AKAP7: variants seen among roughly 807,000 people sequenced by gnomAD.
The protein encoded by AKAP7 is A kinase (PRKA) anchor protein 7.
A neutral mutation model predicts 39.5 loss-of-function variants in AKAP7; 39 were observed. The observed-to-expected ratio is 0.99, with a 90% CI of 0.76 to 1.29. The LOEUF is 1.29. Ranked by LOEUF, AKAP7 falls within the 50% of genes most tolerant of loss-of-function variation. The pLI is 0.00. For missense variants in AKAP7, 414 were observed against 407.7 expected (o/e 1.02, Z -0.13); for synonymous variants, 140 against 139.1 (o/e 1.01, Z -0.05).
chr6:131,201,903 A>G (rs1306680098), intron 6 of AKAP7, among the ~76,000 whole-genome samples: 1 of 152,180 alleles, frequency 6.6e-6, no homozygotes, highest in African/African-American at 2.4e-5. Flanking sequence ...AGATAGTTGT[A>G]GATATGCAGC....
intron 2 of AKAP7, among the ~76,000 whole-genome samples, chr6:131,148,929 A>T (rs1279293356): frequency 6.6e-6 from 1 of 151,928 alleles, no homozygotes; most frequent in Non-Finnish European, 1.5e-5. Context: ...GTTGCCTATG[A>T]TTCCTTCAGT....
chr6:131,162,813 C>G (rs759271755), intron 3 of AKAP7, among the ~76,000 whole-genome samples: 1 of 152,170 alleles, frequency 6.6e-6, no homozygotes, highest in African/African-American at 2.4e-5. Context: ...CCCATGACCA[C>G]CTCGTCTAGG....
At chr6:131,228,817 G>A (rs1013386927) in intron 7 of AKAP7, among the ~76,000 whole-genome samples, 1 of 152,130 alleles carries the variant, frequency 6.6e-6, no homozygotes, top group African/African-American at 2.4e-5. Flanking sequence ...ACATGCAAAA[G>A]CAATGGTGAA....
chr6:131,160,339 G>A (rs1802830556), intron 3 of AKAP7, 141 bp downstream of exon 3: 1 of 829,948 alleles, frequency 1.2e-6, no homozygotes, highest in Admixed American at 2.9e-5. Context: ...GAATATTTCT[G>A]TTTAAGTAAT....
In AKAP7 at chr6:131,184,717, T is replaced by C. The variant is rs543004057; in HGVS notation, c.590-14744T>C. ...GGGCAAGGCAAATCCATCAGGACCCTTTTTGGATTTCTGTTCCTCAGACCT... is the reference window on the plus strand; with the variant it reads ...GGGCAAGGCAAATCCATCAGGACCCCTTTTGGATTTCTGTTCCTCAGACCT... On this transcript the variant is annotated intron_variant, in intron 5 of 7. Transcript: ENST00000431975. 7.1e-6 allele frequency: 6 copies of C among 850,412 alleles called. No homozygotes were observed. The African/African-American group carries it at 8.3e-5, about 12-fold the overall frequency. The allele number at this position is 850,412 out of a possible 1,614,324, so 52.7% of individuals were successfully genotyped here. A position where few individuals can be genotyped will look rare whatever the true frequency, so the allele number is the denominator to read the frequency against.
At position 131,160,170 on chromosome 6, in the gene AKAP7, T is replaced by G. The variant is rs765743339; in HGVS notation, c.263T>G (p.Phe88Cys). ...KKRKDYQPNY[F>C]LSIPITNKEI... Reference sequence around the variant, plus strand: ...AGAAAAGATTATCAACCCAACTATTTCCTGTCCATTCCAATCACCAACAAA... The same window carrying G: ...AGAAAAGATTATCAACCCAACTATTGCCTGTCCATTCCAATCACCAACAAA... The change falls in exon 3 of 8, where the codon TTC becomes TGC. Residue 88 changes from phenylalanine (F) to cysteine (C), a missense_variant. Physicochemically the swap from Phe to Cys is radical, Grantham distance 205. Transcript: ENST00000431975. 6.2e-7 allele frequency: 1 copy of G among 1,611,074 alleles called. No homozygotes were observed. Among genetic ancestry groups the G allele is most frequent in the Non-Finnish European group, 8.5e-7 (1 of 1,179,360 alleles).
chr6:131,211,601 T>TA (rs556028216), intron 6 of AKAP7, among the ~76,000 whole-genome samples: 4,419 of 140,036 alleles, frequency 0.032, 146 homozygotes, highest in African/African-American at 0.083. Context: ...CCATCTCTAC[T>TA]AAAAAAAAAA....
intron 7 of AKAP7, among the ~76,000 whole-genome samples, chr6:131,234,172 G>T (rs1035125783): frequency 8.5e-5 from 13 of 152,096 alleles, no homozygotes; most frequent in Non-Finnish European, 1.6e-4. Flanking sequence ...AACTTCTTCA[G>T]TTCAATTTTG....
At chr6:131,217,204 T>C (rs947529195) in intron 6 of AKAP7, among the ~76,000 whole-genome samples, 1 of 152,170 alleles carries the variant, frequency 6.6e-6, no homozygotes. Flanking sequence ...TGAAACTATT[T>C]TGCCATCCCA....
Position 131,219,786 on chromosome 6 carries a change from CTG to C in AKAP7, c.831_832del (p.Cys277Ter). 1.9e-6 allele frequency: 3 copies of C among 1,575,034 alleles called. No individual in the cohort carries two copies. Among genetic ancestry groups the C allele is most frequent in the Non-Finnish European group, 2.6e-6 (3 of 1,163,412 alleles). On this transcript the variant is annotated frameshift_variant, in exon 7 of 8. Coordinates refer to ENST00000431975, the MANE Select transcript of AKAP7 (RefSeq NM_016377.4). LOFTEE classifies it high-confidence loss of function. ...AAAAACAAAGTAATGGTTATTATCA[CTG>C]TGAATCTTCCATTGTGATTGGTGAG... ...KKKQSNGYYHCESSIVIGEKN... is the reference protein window; with the variant it reads ...KKKQSNGYYHXESSIVIGEKN...
rs535468243 is a variant in AKAP7 at position 131,157,523 on chromosome 6, A to G, written c.152-2536A>G. 1.8e-3 allele frequency among the ~76,000 whole-genome samples: 270 copies of G among 152,316 alleles called. 1 individual carries two copies. The highest frequency in any genetic ancestry group is 6.0e-3 in the African/African-American group (250 of 41,582). ...TGTTACTTCTGTTTAAAATTAGTAT[A>G]TTCATATTACTGCAGTTAGATGTAG... On this transcript the variant is annotated intron_variant, in intron 2 of 7. Coordinates refer to ENST00000431975, the MANE Select transcript of AKAP7 (RefSeq NM_016377.4).
In AKAP7 at chr6:131,187,749, A is replaced by G. The variant is rs115542530; in HGVS notation, c.590-11712A>G. ...TGATGTACACATAAAAGTTTACTTG[A>G]AAGAACATTTAACTTTAGGTAGTCT... is the stretch of plus-strand genomic sequence containing the variant. On this transcript the variant is annotated intron_variant, in intron 5 of 7. Transcript: ENST00000431975. Among the ~76,000 whole-genome samples the G allele has an allele frequency of 9.2e-3, 1,401 of 152,326 alleles. 17 individuals carry two copies. The highest frequency in any genetic ancestry group is 0.03 in the African/African-American group (1,237 of 41,570).
chr6:131,191,342 G>A (rs1320639989), intron 5 of AKAP7, among the ~76,000 whole-genome samples: 1 of 152,164 alleles, frequency 6.6e-6, no homozygotes, highest in African/African-American at 2.4e-5. Flanking sequence ...TTATGACAGG[G>A]TAGTTGAGAA....
intron 7 of AKAP7, among the ~76,000 whole-genome samples, chr6:131,236,619 A>T (rs1216209692): frequency 6.6e-6 from 1 of 152,116 alleles, no homozygotes; most frequent in East Asian, 1.9e-4. Flanking sequence ...GAGGTCCTTC[A>T]TGTCCCTTGT....
chr6:131,256,690 A>G (rs181342321), intron 7 of AKAP7, among the ~76,000 whole-genome samples: 117 of 147,256 alleles, frequency 7.9e-4, no homozygotes, highest in Middle Eastern at 3.4e-3. Flanking sequence ...TTCATATCTG[A>G]ATTACTCCTT....
intron 7 of AKAP7, among the ~76,000 whole-genome samples, chr6:131,273,234 T>G (rs936870276): frequency 6.6e-6 from 1 of 152,196 alleles, no homozygotes. Flanking sequence ...GGATTTTTTT[T>G]GGTACACATC....
chr6:131,145,090 A>G (rs1411517796), intron 1 of AKAP7, among the ~76,000 whole-genome samples, 195 bp from the exon 2 acceptor site: 1 of 152,044 alleles, frequency 6.6e-6, no homozygotes, highest in Non-Finnish European at 1.5e-5. Context: ...AAAGCTTTAT[A>G]AGTGTACAAA....
In AKAP7 at chr6:131,165,185, G is replaced by C; in HGVS notation, c.396G>C (p.Val132=). The change falls in exon 4 of 8, where the codon GTG becomes GTC. Residue 132 remains valine (V), a synonymous_variant. Transcript: ENST00000431975. The part of the protein sequence containing the change: ...SDGSFHITLL[V]MQLLNEDEVN... ...GTTCCTTTCATATTACCCTGCTGGT[G>C]ATGCAATTATTAAATGAAGATGAAG... is the stretch of plus-strand genomic sequence containing the variant. 6.2e-7 allele frequency: 1 copy of C among 1,608,688 alleles called. No homozygotes were observed. The highest frequency in any genetic ancestry group is 1.1e-5 in the South Asian group (1 of 89,810).
chr6:131,208,252 G>GA (rs1178037993), intron 6 of AKAP7, among the ~76,000 whole-genome samples: 9 of 151,358 alleles, frequency 5.9e-5, no homozygotes, highest in African/African-American at 1.7e-4. Context: ...TCTGTATATT[G>GA]AAAAAAAACA....
Sources: allele counts gnomAD v4.1 joint callset (sites outside exome capture counted in the v4.1 genomes callset), GRCh38; gene constraint gnomAD v4.1.1; transcripts MANE v1.5; gene names NCBI Gene and HGNC (gene_info 2026-07-23, HGNC 2026-07-21).